Variants in RYR1 observed in about 807,000 individuals in gnomAD.
RYR1 encodes the protein central core disease of muscle.
A neutral mutation model predicts 583.5 loss-of-function variants in RYR1; 342 were observed. That is an observed-to-expected ratio of 0.59 (90% CI 0.54 to 0.64). The LOEUF is 0.64. Ranked by LOEUF, RYR1 falls within the 30% of genes least tolerant of loss-of-function variation. The pLI is 0.00. For synonymous variants in RYR1, 2,791 were observed against 2,822.5 expected (o/e 0.99, Z 0.35); for missense variants, 6,032 against 6,917.2 (o/e 0.87, Z 4.54).
At position 38,543,702 on chromosome 19, in the gene RYR1, T is replaced by C; in HGVS notation, c.11907+42T>C. The stretch of plus-strand genomic sequence containing the variant: ...GGGGCGGGAGTGGGAAGGGAGGGGG[T>C]CCCGCATCGTGATCCCTGATCCCTT... On this transcript the variant is annotated intron_variant, in intron 86 of 105. Coordinates refer to ENST00000359596, the MANE Select transcript of RYR1 (RefSeq NM_000540.3). The surrounding 1 kb of genome is among the most constrained non-coding windows in gnomAD (Gnocchi z 4.4). 8 of 1,611,372 alleles carry C rather than the reference T, an allele frequency of 5.0e-6. No individual in the cohort carries two copies. The highest frequency in any genetic ancestry group is 6.8e-6 in the Non-Finnish European group (8 of 1,179,874).
intron 19 of RYR1, 119 bp from the exon 20 acceptor site, chr19:38,460,256 G>T: frequency 1.1e-6 from 1 of 893,472 alleles, no homozygotes; most frequent in South Asian, 1.3e-5. Context: ...ACTGCCCGGT[G>T]ACCTTTGGTC....
At chr19:38,515,350 G>A (rs887563234) in intron 64 of RYR1, among the ~76,000 whole-genome samples, 17 of 152,170 alleles carry the variant, frequency 1.1e-4, no homozygotes, top group South Asian at 2.1e-4. Flanking sequence ...AAAGGGAGGC[G>A]CAGACCACGG....
At position 38,496,540 on chromosome 19, in the gene RYR1, G is replaced by C. The variant is rs1969836654; in HGVS notation, c.6795G>C (p.Leu2265=). Residue 2265 remains leucine (L), a splice_region_variant and synonymous_variant, in exon 41 of 106, where the codon CTG becomes CTC. Coordinates refer to ENST00000359596, the MANE Select transcript of RYR1 (RefSeq NM_000540.3). The surrounding 1 kb of genome is among the most constrained non-coding windows in gnomAD (Gnocchi z 4.8). ...SYLLENSGIG[L]GMQGSTPLDV... ...TGCTGGAGAACAGTGGCATCGGCCT[G>C]GGTGAGAACCCCCGAGCCCAGGGGC... 6.2e-7 allele frequency: 1 copy of C among 1,613,158 alleles called. No homozygotes were observed. Among genetic ancestry groups the C allele is most frequent in the African/African-American group, 1.3e-5 (1 of 74,942 alleles).
In RYR1 at chr19:38,561,060, G is replaced by A. The variant is rs949062891; in HGVS notation, c.12283-53G>A. On this transcript the variant is annotated intron_variant, in intron 89 of 105. Coordinates refer to ENST00000359596, the MANE Select transcript of RYR1 (RefSeq NM_000540.3). The surrounding 1 kb of genome is among the most constrained non-coding windows in gnomAD (Gnocchi z 4.8). ...TGTCTTAAAAAAAAAAAAAAAAAGA[G>A]AGAGAATTGAGGCTCTCCAGGTCAC... 14 of 1,336,686 alleles carry A rather than the reference G, an allele frequency of 1.0e-5. No homozygotes were observed. The highest frequency in any genetic ancestry group is 3.2e-5 in the African/African-American group (2 of 62,864). 82.8% of individuals were successfully genotyped at this position (1,336,686 alleles called of 1,614,324 possible). A position where few individuals can be genotyped will look rare whatever the true frequency, so the allele number is the denominator to read the frequency against.
chr19:38,489,621 A>G (rs1969461807), intron 35 of RYR1, among the ~76,000 whole-genome samples, 178 bp downstream of exon 35: 1 of 152,046 alleles, frequency 6.6e-6, no homozygotes, highest in African/African-American at 2.4e-5. Context: ...GACCATGGAG[A>G]AGGCAGTCTT....
intron 53 of RYR1, 93 bp downstream of exon 53, chr19:38,505,491 A>T: frequency 1.1e-6 from 1 of 921,016 alleles, no homozygotes; most frequent in East Asian, 2.6e-5. Flanking sequence ...ACATGTTTGC[A>T]TCTAGGTGGA....
chr19:38,504,129 A>G (rs1970328910), intron 49 of RYR1, 91 bp from the exon 50 acceptor site: 4 of 1,398,656 alleles, frequency 2.9e-6, no homozygotes, highest in Non-Finnish European at 3.0e-6. Context: ...ATTTAAAAGC[A>G]CTGGCATGCC....
chr19:38,573,754 T>TA (rs1000726646), intron 96 of RYR1, among the ~76,000 whole-genome samples: 9 of 151,968 alleles, frequency 5.9e-5, no homozygotes, highest in Non-Finnish European at 7.4e-5. Flanking sequence ...CCCCAAGTCT[T>TA]ACTCTTTCTT....
intron 33 of RYR1, among the ~76,000 whole-genome samples, chr19:38,484,069 G>T (rs889005999): frequency 6.6e-6 from 1 of 152,126 alleles, no homozygotes; most frequent in Admixed American, 6.5e-5. Context: ...CCTCACACCT[G>T]TAATCCCAGC....
intron 20 of RYR1, among the ~76,000 whole-genome samples, chr19:38,462,389 C>T (rs1967800245): frequency 6.6e-6 from 1 of 152,070 alleles, no homozygotes; most frequent in African/African-American, 2.4e-5. Context: ...TGACTTCATC[C>T]CCCTGTCCCC....
intron 13 of RYR1, 85 bp downstream of exon 13, chr19:38,453,099 C>A: frequency 6.9e-7 from 1 of 1,440,830 alleles, no homozygotes; most frequent in Non-Finnish European, 9.5e-7. Context: ...CTGGGCGGGG[C>A]AGGGCCTGAG....
chr19:38,561,407 T>G lies in RYR1; in HGVS notation c.12577T>G (p.Tyr4193Asp). Residue 4193 changes from tyrosine to aspartate, a missense_variant, in exon 90 of 106, where the codon TAC (tyrosine) becomes GAC (aspartate). By Grantham distance (160) the Tyr-to-Asp change is radical. Transcript: ENST00000359596. The surrounding 1 kb of genome is among the most constrained non-coding windows in gnomAD (Gnocchi z 4.8). ...MGASRRIERI[Y>D]FEISETNRAQ... ...CGCGTCACGCCGCATCGAGCGCATC[T>G]ACTTCGAGATCTCAGAGACCAACCG... 1 of 1,612,716 alleles carries G rather than the reference T, an allele frequency of 6.2e-7. No individual in the cohort carries two copies. Among genetic ancestry groups the G allele is most frequent in the Non-Finnish European group, 8.5e-7 (1 of 1,179,968 alleles).
At chr19:38,533,871 C>T (rs529672500) in intron 78 of RYR1, among the ~76,000 whole-genome samples, 135 of 152,058 alleles carry the variant, frequency 8.9e-4, no homozygotes, top group Middle Eastern at 3.4e-3. Flanking sequence ...TTAAAGACAT[C>T]TTTGAGCCAT....
intron 89 of RYR1, among the ~76,000 whole-genome samples, chr19:38,553,890 T>C (rs576884443): frequency 1.3e-5 from 2 of 152,362 alleles, no homozygotes; most frequent in Admixed American, 6.5e-5. Context: ...TCTGGAGATA[T>C]AGGAAGTGTC....
Position 38,484,954 on chromosome 19 carries a change from G to C in RYR1, c.4935-636G>C, listed in dbSNP as rs113603456. Among the ~76,000 whole-genome samples the C allele has an allele frequency of 4.9e-3, 750 of 152,212 alleles. 7 individuals carry two copies. Among genetic ancestry groups the C allele is most frequent in the African/African-American group, 0.017 (697 of 41,514 alleles). ...CCACTGCACTCTAGCCTGGGCAACAGAGCAAGACCCCATCACTAAACAACA... is the reference window on the plus strand; with the variant it reads ...CCACTGCACTCTAGCCTGGGCAACACAGCAAGACCCCATCACTAAACAACA... On this transcript the variant is annotated intron_variant, in intron 33 of 105. Transcript: ENST00000359596.
At chr19:38,491,053 G>A (rs147085167) in intron 37 of RYR1, among the ~76,000 whole-genome samples, 9 of 152,294 alleles carry the variant, frequency 5.9e-5, no homozygotes, top group African/African-American at 2.2e-4. Context: ...AGAACTGGGT[G>A]GAGAGATGGC....
chr19:38,502,358 G>A lies in RYR1; in HGVS notation c.7615-149G>A, dbSNP rs1195593945. The A allele has an allele frequency of 2.1e-5, 15 of 729,828 alleles. No individual in the cohort carries two copies. In the Admixed American group the frequency reaches 3.1e-4, roughly 15 times the overall value. 45.2% of individuals were successfully genotyped at this position (729,828 alleles called of 1,614,324 possible). A position where few individuals can be genotyped will look rare whatever the true frequency, so the allele number is the denominator to read the frequency against. On this transcript the variant is annotated intron_variant, in intron 47 of 105. Transcript: ENST00000359596. ...CTGTGGGCATAGGGGTGTGGGCATA[G>A]GGTGGGAGGAGGGTGGTAGAGATTG...
rs530512213 is a variant in RYR1, at chr19:38,585,219, G to A, written c.14803+120G>A. 4.9e-5 allele frequency: 62 copies of A among 1,277,188 alleles called. No individual in the cohort carries two copies. The South Asian group carries it at 7.0e-4, about 14-fold the overall frequency. The allele number at this position is 1,277,188 out of a possible 1,614,324, so 79.1% of individuals were successfully genotyped here. On this transcript the variant is annotated intron_variant, in intron 102 of 105. Transcript: ENST00000359596. ...CCATCTCTACCTCTCGCTACTGTGAGACCTTGGGCAAGTCACCTCTCGGGG... is the reference window on the plus strand; with the variant it reads ...CCATCTCTACCTCTCGCTACTGTGAAACCTTGGGCAAGTCACCTCTCGGGG...
chr19:38,502,774 C>CAGGGGT (rs1568506367), intron 48 of RYR1, 47 bp downstream of exon 48: 3 of 733,718 alleles, frequency 4.1e-6, no homozygotes, highest in African/African-American at 7.9e-5. Flanking sequence ...GGGGCAGGGG[C>CAGGGGT]AGGGGCAGGG....
Sources: gnomAD v4.1 joint callset for allele counts (sites outside exome capture counted in the v4.1 genomes callset) on GRCh38, gnomAD v4.1.1 for gene constraint, Gnocchi (gnomAD v3.1) non-coding constraint, MANE v1.5 for transcripts, NCBI Gene and HGNC (gene_info 2026-07-23, HGNC 2026-07-21) for gene names.